The following PUDP variants were observed in gnomAD, a reference collection of about 807,000 sequenced individuals.
PUDP encodes pseudouridine 5'-phosphatase.
A neutral mutation model predicts 9.4 loss-of-function variants in PUDP; 8 were observed. The ratio of observed to expected loss-of-function variants is 0.85; its 90% CI spans 0.50 to 1.53. PUDP has a LOEUF of 1.53. PUDP is among the 40% of genes most tolerant of loss of function. PUDP has a pLI of 0.00. For synonymous variants in PUDP, 99 were observed against 80.7 expected, an observed-to-expected ratio of 1.23 and a Z score of -1.22; for missense variants, 188 against 189.7, an observed-to-expected ratio of 0.99 and a Z score of 0.05.
At chrX:6,899,580 T>A (rs1346067697) in intron 3 of PUDP, among the ~76,000 whole-genome samples, 4 of 110,431 alleles carry the variant, frequency 3.6e-5, no homozygotes, top group African/African-American at 1.3e-4. Context: ...CCCAAAAAAA[T>A]TTTTTTAAGA....
chrX:6,834,693 C>T (rs953624685), intron 3 of PUDP, among the ~76,000 whole-genome samples: 21 of 111,307 alleles, frequency 1.9e-4, no homozygotes, highest in African/African-American at 6.5e-4. Context: ...TTTATAATAA[C>T]AGAAATCAAT....
intron 3 of PUDP, among the ~76,000 whole-genome samples, chrX:6,747,071 A>C (rs1268910734): frequency 1.8e-5 from 2 of 111,452 alleles, no homozygotes; most frequent in African/African-American, 6.5e-5. Context: ...AACCTCACCA[A>C]CATCTATTGT....
chrX:7,051,074 G>T (rs1251057679), intron 3 of PUDP, among the ~76,000 whole-genome samples: 1 of 111,482 alleles, frequency 9.0e-6, no homozygotes, highest in Non-Finnish European at 1.9e-5. Context: ...AAAACCCGTG[G>T]TCTCTTCATT....
chrX:6,801,529 T>C (rs1449390194), intron 3 of PUDP, among the ~76,000 whole-genome samples: 1 of 111,751 alleles, frequency 8.9e-6, no homozygotes, highest in African/African-American at 3.3e-5. Context: ...TTTAAATTGC[T>C]TTTATTTTCA....
At chrX:7,129,384 T>C (rs1347985528) in intron 1 of PUDP, among the ~76,000 whole-genome samples, 3 of 112,009 alleles carry the variant, frequency 2.7e-5, no homozygotes, top group African/African-American at 9.7e-5. Context: ...AAAAATTACC[T>C]GAAGCTTCTC....
At chrX:7,117,211 T>G (rs1332897232) in intron 1 of PUDP, among the ~76,000 whole-genome samples, 1 of 111,751 alleles carries the variant, frequency 8.9e-6, no homozygotes, top group African/African-American at 3.3e-5. Context: ...AGGCAGAGGT[T>G]GGAAGAGTTT....
chrX:6,812,105 T>C (rs993206172), intron 3 of PUDP, among the ~76,000 whole-genome samples: 8 of 112,301 alleles, frequency 7.1e-5, no homozygotes, highest in African/African-American at 2.6e-4. Flanking sequence ...AATCTCACCA[T>C]AGCATCTTCT....
At chrX:7,038,961 G>A in intron 1 of PUDP, among the ~76,000 whole-genome samples, 1 of 111,324 alleles carries the variant, frequency 9.0e-6, no homozygotes, top group Non-Finnish European at 1.9e-5. Context: ...ATGGAGTATT[G>A]CTCTGTTGCC....
chrX:6,800,856 C>A (rs1925921126), intron 3 of PUDP, among the ~76,000 whole-genome samples: 1 of 111,835 alleles, frequency 8.9e-6, no homozygotes, highest in Non-Finnish European at 1.9e-5. Flanking sequence ...TTGCTCCCGA[C>A]TTGCCCGCTG....
intron 3 of PUDP, among the ~76,000 whole-genome samples, chrX:6,771,397 CT>C (rs1925361726): frequency 8.9e-6 from 1 of 112,284 alleles, no homozygotes; most frequent in Admixed American, 9.5e-5. Context: ...TACTGGACTG[CT>C]TTTGGTTATA....
At chrX:6,984,726 G>A (rs1929082149) in intron 1 of PUDP, among the ~76,000 whole-genome samples, 1 of 111,611 alleles carries the variant, frequency 9.0e-6, no homozygotes, top group African/African-American at 3.3e-5. Flanking sequence ...GGTGTAAGCA[G>A]GAGAATACTG....
At chrX:6,766,991 T>A (rs1388838645) in intron 3 of PUDP, among the ~76,000 whole-genome samples, 1 of 112,933 alleles carries the variant, frequency 8.9e-6, no homozygotes, top group Non-Finnish European at 1.9e-5. Flanking sequence ...CAAACACACA[T>A]GTCACATTAA....
At chrX:7,012,453 T>A (rs762588239) in intron 1 of PUDP, among the ~76,000 whole-genome samples, 1 of 111,935 alleles carries the variant, frequency 8.9e-6, no homozygotes, top group Non-Finnish European at 1.9e-5. Context: ...GGATAGAGAG[T>A]TCTTTGCTGA....
chrX:6,752,267 C>T (rs900598758), intron 3 of PUDP, among the ~76,000 whole-genome samples: 9 of 111,638 alleles, frequency 8.1e-5, no homozygotes, highest in Non-Finnish European at 1.3e-4. Flanking sequence ...CCTCCTTTTT[C>T]TGATCAACCA....
intron 3 of PUDP, among the ~76,000 whole-genome samples, chrX:6,905,102 G>A (rs949251976): frequency 9.0e-6 from 1 of 111,724 alleles, no homozygotes; most frequent in Non-Finnish European, 1.9e-5. Flanking sequence ...TCTGAAGGTT[G>A]TATTGACATA....
intron 1 of PUDP, among the ~76,000 whole-genome samples, chrX:6,993,448 G>T (rs1203332386): frequency 8.9e-6 from 1 of 111,870 alleles, no homozygotes; most frequent in East Asian, 2.8e-4. Context: ...TTCCACTGAG[G>T]TATCTCTGGG....
intron 3 of PUDP, chrX:7,057,627 T>C: frequency 9.0e-7 from 1 of 1,105,273 alleles, no homozygotes; most frequent in East Asian, 3.4e-5. Flanking sequence ...TTGTGACAAG[T>C]TGGGTTTGAG....
chrX:6,753,622 C>G (rs757770596), intron 3 of PUDP, among the ~76,000 whole-genome samples: 1 of 111,970 alleles, frequency 8.9e-6, no homozygotes, highest in African/African-American at 3.2e-5. Context: ...TCACTGCATC[C>G]ACGCCAATAT....
chrX:6,983,792 T>A (rs928281111), intron 1 of PUDP, among the ~76,000 whole-genome samples: 1 of 112,397 alleles, frequency 8.9e-6, no homozygotes, highest in Admixed American at 9.4e-5. Context: ...GGAAATATCC[T>A]CTCCATAGGG....
Sources: allele counts gnomAD v4.1 joint callset (sites outside exome capture counted in the v4.1 genomes callset), GRCh38; gene constraint gnomAD v4.1.1; transcripts MANE v1.5; gene names NCBI Gene and HGNC (gene_info 2026-07-23, HGNC 2026-07-21).